The following FMR1 variants were observed in gnomAD, a reference collection of about 807,000 sequenced individuals.
FMR1 encodes the protein fragile X messenger ribonucleoprotein 1.
FMR1 carries 13 observed loss-of-function variants against 50.6 expected under a neutral mutation model. The ratio of observed to expected loss-of-function variants is 0.26; its 90% CI spans 0.17 to 0.41. The LOEUF (loss-of-function observed/expected upper bound fraction) is 0.41, where lower values mean the gene tolerates loss of function less well. Among genes scored for constraint, FMR1 ranks in the 10% least tolerant of loss-of-function variants. FMR1 has a pLI of 1.00. For synonymous variants in FMR1, 138 were observed against 164.1 expected (o/e 0.84, Z 1.22); for missense variants, 316 against 491.3 (o/e 0.64, Z 3.37).
intron 12 of FMR1, among the ~76,000 whole-genome samples, chrX:147,939,512 T>A (rs782345859): frequency 2.7e-5 from 3 of 112,039 alleles, no homozygotes; most frequent in African/African-American, 9.8e-5. Context: ...TGTTTTTGTT[T>A]GTATTTTGTG....
intron 13 of FMR1, 118 bp from the exon 14 acceptor site, chrX:147,943,013 G>A: frequency 8.1e-6 from 5 of 620,784 alleles, no homozygotes; most frequent in Non-Finnish European, 1.3e-5. Flanking sequence ...AGTGTTTACT[G>A]TAAATTTAGA....
At chrX:147,931,703 G>A (rs1224830537) in intron 7 of FMR1, among the ~76,000 whole-genome samples, 1 of 111,884 alleles carries the variant, frequency 8.9e-6, no homozygotes, top group Non-Finnish European at 1.9e-5. Context: ...ACTTAGTTTC[G>A]TCATCACTGG....
chrX:147,939,565 CTT>C (rs1321440310), intron 12 of FMR1, among the ~76,000 whole-genome samples: 1 of 110,678 alleles, frequency 9.0e-6, no homozygotes, highest in Non-Finnish European at 1.9e-5. Context: ...TTACTTTTTA[CTT>C]TTGTACCCTT....
At position 147,928,774 on chromosome X, in the gene FMR1, T is replaced by C; in HGVS notation, c.386T>C (p.Ile129Thr). 1 of 1,211,110 alleles carries C rather than the reference T, an allele frequency of 8.3e-7. No individual in the cohort carries two copies. Among genetic ancestry groups the C allele is most frequent in the South Asian group, 1.8e-5 (1 of 56,958 alleles). Residue 129 changes from isoleucine (I) to threonine (T), a missense_variant, in exon 5 of 17, where the codon ATC becomes ACC. This residue lies in a region of FMR1 where 124 missense variants were observed against 238.1 expected (regional missense o/e 0.52). Transcript: ENST00000370475. ...KPATKDTFHK[I>T]KLDVPEDLRQ... The stretch of plus-strand genomic sequence containing the variant: ...GCCACAAAAGATACTTTCCATAAGA[T>C]CAAGCTGGATGTGCCAGAAGACTTA...
At chrX:147,916,934 C>T (rs1293616891) in intron 1 of FMR1, among the ~76,000 whole-genome samples, 8 of 111,740 alleles carry the variant, frequency 7.2e-5, no homozygotes, top group South Asian at 3.7e-4. Context: ...GATGAGGTTT[C>T]GCCATGTTGG....
Position 147,930,183 on chromosome X carries a change from G to A in FMR1, c.569G>A (p.Arg190Gln). 8.3e-7 allele frequency: 1 copy of A among 1,209,041 alleles called. No individual in the cohort carries two copies. The highest frequency in any genetic ancestry group is 1.1e-6 in the Non-Finnish European group (1 of 893,303). The change falls in exon 7 of 17, where the codon CGG becomes CAG. Residue 190 changes from arginine (R) to glutamine (Q), a missense_variant. By Grantham distance (43) the Arg-to-Gln change is conservative. Transcript: ENST00000370475. ...CATATGCTGATTGACATGCACTTTC[G>A]GAGTCTGCGCACTAAGTTGTCTCTG... is the stretch of plus-strand genomic sequence containing the variant. ...RAHMLIDMHF[R>Q]SLRTKLSLIM... is the part of the protein sequence containing the mutation.
intron 2 of FMR1, among the ~76,000 whole-genome samples, chrX:147,924,520 T>G (rs2043316584): frequency 9.7e-6 from 1 of 103,101 alleles, no homozygotes; most frequent in Admixed American, 1.1e-4. Context: ...TATATATTTT[T>G]TTTTTTTTAA....
At position 147,912,137 on chromosome X, in the gene FMR1, C is replaced by T. The variant is rs1398823212; in HGVS notation, c.-43C>T. 1 of 996,828 alleles carries T rather than the reference C, an allele frequency of 1.0e-6. No individual in the cohort carries two copies. The highest frequency in any genetic ancestry group is 2.3e-5 in the South Asian group (1 of 43,789). 82.1% of individuals were successfully genotyped at this position (996,828 alleles called of 1,213,427 possible). On this transcript the variant is annotated 5_prime_UTR_variant, in exon 1 of 17. Transcript: ENST00000370475. ...TGGGCCTCGAGCGCCCGCAGCCCAC[C>T]TCTCGGGGGCGGGCTCCCGGCGCTA...
Position 147,929,937 on chromosome X carries a change from TAA to T in FMR1, c.420-9_420-8del. The T allele has an allele frequency of 8.7e-7, 1 of 1,149,393 alleles. No individual in the cohort carries two copies. Among genetic ancestry groups the T allele is most frequent in the Non-Finnish European group, 1.2e-6 (1 of 844,388 alleles). The allele number at this position is 1,149,393 out of a possible 1,213,427, so 94.7% of individuals were successfully genotyped here. A position where few individuals can be genotyped will look rare whatever the true frequency, so the allele number is the denominator to read the frequency against. On this transcript the variant is annotated splice_polypyrimidine_tract_variant and intron_variant, in intron 5 of 16. Coordinates refer to ENST00000370475, the MANE Select transcript of FMR1 (RefSeq NM_002024.6). The stretch of plus-strand genomic sequence containing the variant: ...AATTATTCATCTTAATTTTTTTTTT[TAA>T]ATTTCTAGGTGTGCCAAAGAGGCGG...
chrX:147,944,589 A>G (rs1209000496), intron 14 of FMR1: 2 of 962,412 alleles, frequency 2.1e-6, no homozygotes, highest in African/African-American at 4.0e-5. Context: ...ATTTAATGAT[A>G]TGGCACATCA....
At chrX:147,924,511 A>T (rs1331959421) in intron 2 of FMR1, among the ~76,000 whole-genome samples, 23 of 45,033 alleles carry the variant, frequency 5.1e-4, no homozygotes, top group African/African-American at 1.5e-3. Flanking sequence ...CTATATATAT[A>T]TATATTTTTT....
intron 9 of FMR1, chrX:147,933,649 T>C: frequency 1.2e-6 from 1 of 830,591 alleles, no homozygotes; most frequent in Non-Finnish European, 1.5e-6. Flanking sequence ...GAAAGCTACA[T>C]ATGTTTTTAA....
In FMR1 at chrX:147,950,273, T is replaced by C. The variant is rs1557183342; in HGVS notation, c.*1429T>C. On this transcript the variant is annotated 3_prime_UTR_variant, in exon 17 of 17. Transcript: ENST00000370475. ...TTGAATTTTCATTTTACAGTTACTT[T>C]TCCTTGCATACAAACAAGCATATAA... 3.0e-6 allele frequency: 1 copy of C among 329,836 alleles called. No homozygotes were observed. The highest frequency in any genetic ancestry group is 5.9e-6 in the Non-Finnish European group (1 of 169,937). The allele number at this position is 329,836 out of a possible 1,213,427, so 27.2% of individuals were successfully genotyped here. A position where few individuals can be genotyped will look rare whatever the true frequency, so the allele number is the denominator to read the frequency against.
intron 13 of FMR1, among the ~76,000 whole-genome samples, chrX:147,941,628 A>G (rs2044005320): frequency 8.9e-6 from 1 of 111,839 alleles, no homozygotes; most frequent in African/African-American, 3.2e-5. Context: ...TTAAAAGTGG[A>G]AAGGTTTCAT....
chrX:147,950,917 T>C lies in FMR1; in HGVS notation c.*2073T>C. 1 of 289,691 alleles carries C rather than the reference T, an allele frequency of 3.5e-6. No homozygotes were observed. The highest frequency in any genetic ancestry group is 3.2e-5 in the South Asian group (1 of 31,133). The allele number at this position is 289,691 out of a possible 1,213,427, so 23.9% of individuals were successfully genotyped here. A position where few individuals can be genotyped will look rare whatever the true frequency, so the allele number is the denominator to read the frequency against. On this transcript the variant is annotated 3_prime_UTR_variant, in exon 17 of 17. Transcript: ENST00000370475. Reference sequence around the variant, plus strand: ...GGCGCTAACTTGCTTAAATGTGAATTACTAACTTCTAAAACTGTACTTTGA... The same window carrying C: ...GGCGCTAACTTGCTTAAATGTGAATCACTAACTTCTAAAACTGTACTTTGA...
chrX:147,916,133 TA>T (rs1302655455), intron 1 of FMR1, among the ~76,000 whole-genome samples: 1 of 112,639 alleles, frequency 8.9e-6, no homozygotes, highest in African/African-American at 3.2e-5. Flanking sequence ...TAAGGAAAGA[TA>T]AAGTTAGAAA....
intron 1 of FMR1, among the ~76,000 whole-genome samples, 175 bp downstream of exon 1, chrX:147,912,405 C>G (rs1270630410): frequency 9.0e-6 from 1 of 111,041 alleles, no homozygotes; most frequent in Non-Finnish European, 1.9e-5. Context: ...TGTTGGAAGC[C>G]CCTCTCCGAC....
chrX:147,925,482 A>C, intron 2 of FMR1, 58 bp from the exon 3 acceptor site: 1 of 887,604 alleles, frequency 1.1e-6, no homozygotes, highest in Non-Finnish European at 1.7e-6. Context: ...CAGAGTGGTC[A>C]TTATTTCAGT....
chrX:147,921,094 C>T (rs1053718718), intron 1 of FMR1, among the ~76,000 whole-genome samples: 8 of 111,900 alleles, frequency 7.1e-5, no homozygotes, highest in Non-Finnish European at 1.1e-4. Context: ...GCTTAAATCT[C>T]CCCAAGCCCT....
Sources: allele counts gnomAD v4.1 joint callset (sites outside exome capture counted in the v4.1 genomes callset), GRCh38; gene constraint gnomAD v4.1.1; regional missense constraint gnomAD v4.1.1; transcripts MANE v1.5; gene names NCBI Gene and HGNC (gene_info 2026-07-23, HGNC 2026-07-21).